APPL2: variants seen among roughly 807,000 people sequenced by gnomAD.
APPL2 encodes the protein DCC-interacting protein 13-beta.
APPL2 carries 84 observed loss-of-function variants against 92.7 expected under a neutral mutation model. The ratio of observed to expected loss-of-function variants is 0.91; its 90% CI spans 0.76 to 1.09. The LOEUF is 1.09. Among genes scored for constraint, APPL2 ranks in the 50% least tolerant of loss-of-function variants. The pLI is 0.00. For synonymous variants in APPL2, 291 were observed against 291.0 expected (o/e 1.00, Z 0.00); for missense variants, 736 against 824.5 (o/e 0.89, Z 1.31).
chr12:105,229,757 G>C (rs59593474), intron 1 of APPL2: 98,624 of 987,082 alleles, frequency 0.1, 5,349 homozygotes, highest in African/African-American at 0.18. Flanking sequence ...ATGGTACTAC[G>C]ATTTCCTTGT....
chr12:105,219,028 C>T (rs1284268099), intron 2 of APPL2, among the ~76,000 whole-genome samples: 1 of 152,196 alleles, frequency 6.6e-6, no homozygotes, highest in African/African-American at 2.4e-5. Flanking sequence ...TCAGTTAAAG[C>T]TTAAGATTCA....
chr12:105,206,187 A>G (rs1023477640), intron 8 of APPL2, among the ~76,000 whole-genome samples: 4 of 152,202 alleles, frequency 2.6e-5, no homozygotes, highest in Non-Finnish European at 5.9e-5. Flanking sequence ...ACTGACGTGA[A>G]GTTTTTGTTT....
intron 4 of APPL2, among the ~76,000 whole-genome samples, chr12:105,213,639 T>G (rs778874808): frequency 6.6e-6 from 1 of 152,234 alleles, no homozygotes; most frequent in Non-Finnish European, 1.5e-5. Flanking sequence ...TTCCAACGCA[T>G]TCTATCAGGT....
chr12:105,176,378 C>G, intron 19 of APPL2: 1 of 532,918 alleles, frequency 1.9e-6, no homozygotes, highest in Non-Finnish European at 3.2e-6. Flanking sequence ...TGTATTTAGC[C>G]ACGATATGTC....
intron 17 of APPL2, among the ~76,000 whole-genome samples, chr12:105,183,887 G>C (rs912197715): frequency 2.6e-5 from 4 of 152,048 alleles, no homozygotes; most frequent in African/African-American, 7.2e-5. Context: ...GTCACTTTCA[G>C]GTACACCAAT....
rs1244172564 is a variant in APPL2, at chr12:105,173,444, G to A, written c.*870C>T. On this transcript the variant is annotated 3_prime_UTR_variant, in exon 21 of 21. Transcript: ENST00000258530. ...AGGAGGGATGGGGGAGTGGGCTGGG[G>A]TTCCAGGAATTGGAAGTATCAGGGT... 6.6e-6 allele frequency: 1 copy of A among 152,602 alleles called. No individual in the cohort carries two copies. The highest frequency in any genetic ancestry group is 2.4e-5 in the African/African-American group (1 of 41,430). The allele number at this position is 152,602 out of a possible 1,614,324, so 9.5% of individuals were successfully genotyped here. A position where few individuals can be genotyped will look rare whatever the true frequency, so the allele number is the denominator to read the frequency against.
intron 4 of APPL2, among the ~76,000 whole-genome samples, chr12:105,212,608 T>G (rs1036940510): frequency 6.6e-6 from 1 of 152,236 alleles, no homozygotes; most frequent in African/African-American, 2.4e-5. Flanking sequence ...ACGTTGGCAA[T>G]GAATACAGTG....
At chr12:105,189,949 T>C (rs544933408) in intron 15 of APPL2, 42 bp downstream of exon 15, 1 of 1,611,882 alleles carries the variant, frequency 6.2e-7, no homozygotes, top group South Asian at 1.1e-5. Flanking sequence ...TACCTCAAAT[T>C]TACTTTCAGT....
At chr12:105,223,008 G>C (rs960922296) in intron 2 of APPL2, among the ~76,000 whole-genome samples, 1 of 152,230 alleles carries the variant, frequency 6.6e-6, no homozygotes, top group Non-Finnish European at 1.5e-5. Flanking sequence ...GGCATGTTCT[G>C]GGACAGCCAG....
At chr12:105,212,279 C>T (rs1207677539) in intron 4 of APPL2, among the ~76,000 whole-genome samples, 1 of 152,154 alleles carries the variant, frequency 6.6e-6, no homozygotes, top group Non-Finnish European at 1.5e-5. Context: ...TCCCCTTCTA[C>T]CTCAAGGACT....
intron 20 of APPL2, 84 bp from the exon 21 acceptor site, chr12:105,174,532 T>G: frequency 7.0e-7 from 1 of 1,429,054 alleles, no homozygotes; most frequent in East Asian, 2.4e-5. Context: ...CAATATGTTC[T>G]GTAATCTAGT....
intron 2 of APPL2, 55 bp from the exon 3 acceptor site, chr12:105,217,780 T>C: frequency 1.3e-6 from 2 of 1,536,180 alleles, no homozygotes; most frequent in Non-Finnish European, 1.8e-6. Flanking sequence ...ACATAGTCAC[T>C]GAAAAATGCC....
chr12:105,184,607 G>C (rs1886418799), intron 17 of APPL2, among the ~76,000 whole-genome samples: 1 of 152,322 alleles, frequency 6.6e-6, no homozygotes, highest in South Asian at 2.1e-4. Context: ...AAAGACTGCT[G>C]CCTGCTCCTT....
chr12:105,224,824 G>A (rs1890372421), intron 2 of APPL2, among the ~76,000 whole-genome samples: 1 of 151,988 alleles, frequency 6.6e-6, no homozygotes, highest in Non-Finnish European at 1.5e-5. Context: ...TTTCCCACTC[G>A]GTACATTCAC....
At chr12:105,210,644 CA>C (rs1282256402) in intron 5 of APPL2, among the ~76,000 whole-genome samples, 5 of 152,008 alleles carry the variant, frequency 3.3e-5, no homozygotes, top group Admixed American at 3.3e-4. Flanking sequence ...AAAATTAGTC[CA>C]AAAGGACAAC....
intron 17 of APPL2, among the ~76,000 whole-genome samples, chr12:105,183,664 A>T (rs1886336434): frequency 6.6e-6 from 1 of 151,986 alleles, no homozygotes; most frequent in Admixed American, 6.5e-5. Context: ...GGGTAATGTG[A>T]CCTTTCTCTC....
intron 17 of APPL2, among the ~76,000 whole-genome samples, chr12:105,178,927 A>G (rs140821147): frequency 1.3e-5 from 2 of 152,188 alleles, no homozygotes; most frequent in Admixed American, 6.5e-5. Context: ...AACTTAACAC[A>G]TGCATATTTT....
chr12:105,184,871 A>C lies in APPL2; in HGVS notation c.1634+3402T>G, dbSNP rs1260121270. Among the ~76,000 whole-genome samples, 3 of 151,992 alleles carry C rather than the reference A, an allele frequency of 2.0e-5. No individual in the cohort carries two copies. The East Asian group carries it at 5.8e-4, about 29-fold the overall frequency. ...TGCGCCCACAGCCACCCCTTCCCCC[A>C]GGTGCTCTGTCCCAGGGAGATGGGA... is the stretch of plus-strand genomic sequence containing the variant. On this transcript the variant is annotated intron_variant, in intron 17 of 20. Coordinates refer to ENST00000258530, the MANE Select transcript of APPL2 (RefSeq NM_018171.5).
chr12:105,196,073 G>T (rs1045207338), intron 11 of APPL2, among the ~76,000 whole-genome samples: 1 of 143,280 alleles, frequency 7.0e-6, no homozygotes, highest in Non-Finnish European at 1.6e-5. Flanking sequence ...AAAAAAAAAA[G>T]AAAAAGAAAA....
Sources: allele counts gnomAD v4.1 joint callset (sites outside exome capture counted in the v4.1 genomes callset), GRCh38; gene constraint gnomAD v4.1.1; transcripts MANE v1.5; gene names NCBI Gene and HGNC (gene_info 2026-07-23, HGNC 2026-07-21).